Variants in IFIH1 observed in about 807,000 individuals in gnomAD.
IFIH1 encodes the protein interferon-induced helicase C domain-containing protein 1.
IFIH1 carries 125 observed loss-of-function variants against 107.4 expected under a neutral mutation model. That is an observed-to-expected ratio of 1.16 (90% CI 1.01 to 1.35). IFIH1 has a LOEUF of 1.35. IFIH1 is among the 40% of genes most tolerant of loss of function. The pLI is 0.00. For missense variants in IFIH1, 1,333 were observed against 1,213.7 expected (o/e 1.10, Z -1.46); for synonymous variants, 458 against 413.2 (o/e 1.11, Z -1.31).
chr2:162,300,019 G>A (rs541506498), intron 3 of IFIH1, among the ~76,000 whole-genome samples: 7 of 152,102 alleles, frequency 4.6e-5, no homozygotes, highest in Non-Finnish European at 8.8e-5. Flanking sequence ...GCTTTCTCTC[G>A]TCAGTCTTCC....
In IFIH1 at chr2:162,268,294, ATAGT is replaced by A; in HGVS notation, c.2617-21_2617-18del. ...TTCCAAAATCTGGACAGAGAAAGGA[ATAGT>A]TAGTGGTTTCAGGTTTGTTTTCTTT... On this transcript the variant is annotated intron_variant, in intron 13 of 15. Transcript: ENST00000649979. 1 of 1,542,602 alleles carries A rather than the reference ATAGT, an allele frequency of 6.5e-7. No homozygotes were observed. Among genetic ancestry groups the A allele is most frequent in the Non-Finnish European group, 8.9e-7 (1 of 1,124,436 alleles).
chr2:162,305,991 CT>C, intron 3 of IFIH1, among the ~76,000 whole-genome samples: 1 of 152,266 alleles, frequency 6.6e-6, no homozygotes, highest in South Asian at 2.1e-4. Flanking sequence ...CAAACTAGGG[CT>C]TTTTCTTTTC....
intron 11 of IFIH1, among the ~76,000 whole-genome samples, chr2:162,275,610 AT>A (rs555068797): frequency 1.7e-4 from 26 of 152,236 alleles, no homozygotes; most frequent in African/African-American, 5.5e-4. Context: ...CATTTCAAGA[AT>A]TTTTTTCCAG....
At chr2:162,290,468 G>A (rs2105211621) in intron 4 of IFIH1, among the ~76,000 whole-genome samples, 1 of 151,902 alleles carries the variant, frequency 6.6e-6, no homozygotes, top group South Asian at 2.1e-4. Flanking sequence ...ATGTTAAAAG[G>A]ACTATTGTGT....
intron 11 of IFIH1, 45 bp downstream of exon 11, chr2:162,276,629 GAAGAGAAGAAGAA>G (rs1682669016): frequency 4.6e-6 from 7 of 1,533,490 alleles, no homozygotes; most frequent in Non-Finnish European, 6.2e-6. Flanking sequence ...GAGAAGAAGA[GAAGAGAAGAAGAA>G]AAGAGAAAGA....
Position 162,282,348 on chromosome 2 carries a change from A to G in IFIH1, c.1306+18T>C, listed in dbSNP as rs1682825676. On this transcript the variant is annotated intron_variant, in intron 6 of 15. Transcript: ENST00000649979. ...TATTACTATTAATTTTTTTAAAAAA[A>G]TAAACACTTAAACTGACCTGACAAT... is the stretch of plus-strand genomic sequence containing the variant. 2 of 1,529,060 alleles carry G rather than the reference A, an allele frequency of 1.3e-6. No individual in the cohort carries two copies. The highest frequency in any genetic ancestry group is 8.9e-7 in the Non-Finnish European group (1 of 1,125,352). The allele number at this position is 1,529,060 out of a possible 1,614,324, so 94.7% of individuals were successfully genotyped here. A position where few individuals can be genotyped will look rare whatever the true frequency, so the allele number is the denominator to read the frequency against.
chr2:162,310,986 C>T, intron 1 of IFIH1, 53 bp from the exon 2 acceptor site: 4 of 1,410,588 alleles, frequency 2.8e-6, no homozygotes, highest in Non-Finnish European at 3.9e-6. Flanking sequence ...TCTGAATAAC[C>T]TTAAACAGGA....
At position 162,318,122 on chromosome 2, in the gene IFIH1, C is replaced by A. The variant is rs755818922; in HGVS notation, c.186G>T (p.Leu62=). The A allele has an allele frequency of 1.2e-6, 2 of 1,614,206 alleles. No individual in the cohort carries two copies. Among genetic ancestry groups the A allele is most frequent in the Non-Finnish European group, 1.7e-6 (2 of 1,180,032 alleles). The part of the protein sequence containing the change: ...TSGNMQAVEL[L]LSTLEKGVWH... ...AGACTCCCTTCTCCAAGGTGCTCAG[C>A]AGCAGTTCAACTGCCTGCATGTTCC... The change falls in exon 1 of 16, where the codon CTG becomes CTT. Residue 62 remains leucine (L), a synonymous_variant. Coordinates refer to ENST00000649979, the MANE Select transcript of IFIH1 (RefSeq NM_022168.4).
At chr2:162,291,142 C>A (rs994096700) in intron 4 of IFIH1, among the ~76,000 whole-genome samples, 1 of 151,576 alleles carries the variant, frequency 6.6e-6, no homozygotes, top group Non-Finnish European at 1.5e-5. Context: ...TGATTAAAGA[C>A]CTTAAAATTA....
rs1318547858 is a variant in IFIH1 at position 162,310,794 on chromosome 2, G to A, written c.593C>T (p.Thr198Ile). Residue 198 changes from threonine to isoleucine, a missense_variant, in exon 2 of 16, where the codon ACA becomes ATA. Transcript: ENST00000649979. ...ATTGCTTTCTGAGCAATCAGAGCCT[G>A]TTAACTCTTGGACAAGTTCATTGTT... ...TGNNELVQELTGSDCSESNAE... is the reference protein window; with the variant it reads ...TGNNELVQELIGSDCSESNAE... The A allele has an allele frequency of 6.2e-7, 1 of 1,613,814 alleles. No individual in the cohort carries two copies. Among genetic ancestry groups the A allele is most frequent in the Admixed American group, 1.7e-5 (1 of 60,008 alleles).
In IFIH1 at chr2:162,300,868, A is replaced by G. The variant is rs191351652; in HGVS notation, c.769+5841T>C. Among the ~76,000 whole-genome samples, 8 of 152,298 alleles carry G rather than the reference A, an allele frequency of 5.3e-5. No individual in the cohort carries two copies. The East Asian group carries it at 1.5e-3, about 29-fold the overall frequency. On this transcript the variant is annotated intron_variant, in intron 3 of 15. Transcript: ENST00000649979. The stretch of plus-strand genomic sequence containing the variant: ...CTAGATTTCTAGAGGTTAGTGCTAC[A>G]GAACATTATTCTGGTCCTCAAGTGC...
chr2:162,277,737 A>C, intron 9 of IFIH1, 44 bp from the exon 10 acceptor site: 1 of 1,555,322 alleles, frequency 6.4e-7, no homozygotes, highest in Non-Finnish European at 8.7e-7. Context: ...AAGCATATAA[A>C]CCCCCTAAAA....
rs553704185 is a variant in IFIH1 at position 162,276,614 on chromosome 2, AAGAAGAGAAGAAG to A, written c.2304+60_2304+72del. On this transcript the variant is annotated intron_variant, in intron 11 of 15. Coordinates refer to ENST00000649979, the MANE Select transcript of IFIH1 (RefSeq NM_022168.4). The stretch of plus-strand genomic sequence containing the variant: ...AGCGAGGCCTCGTCTGAAAGAAAAG[AAGAAGAGAAGAAG>A]AGAAGAGAAGAAGAAAAGAGAAAGA... 123 of 1,490,558 alleles carry A rather than the reference AAGAAGAGAAGAAG, an allele frequency of 8.3e-5. No individual in the cohort carries two copies. In the African/African-American group the frequency reaches 8.8e-4, roughly 11 times the overall value. 92.3% of individuals were successfully genotyped at this position (1,490,558 alleles called of 1,614,324 possible). A position where few individuals can be genotyped will look rare whatever the true frequency, so the allele number is the denominator to read the frequency against.
intron 3 of IFIH1, among the ~76,000 whole-genome samples, chr2:162,306,006 A>C (rs1249055745): frequency 6.6e-6 from 1 of 152,212 alleles, no homozygotes; most frequent in Non-Finnish European, 1.5e-5. Context: ...TCTTTTCCCC[A>C]GAGTTACTTG....
At chr2:162,310,617 G>A in intron 2 of IFIH1, 148 bp downstream of exon 2, 1 of 630,464 alleles carries the variant, frequency 1.6e-6, no homozygotes, top group East Asian at 2.8e-5. Context: ...TTGTTAAGGT[G>A]ATAAAATAGA....
At chr2:162,269,836 C>A (rs757741491) in intron 13 of IFIH1, among the ~76,000 whole-genome samples, 1 of 152,168 alleles carries the variant, frequency 6.6e-6, no homozygotes, top group Non-Finnish European at 1.5e-5. Flanking sequence ...TGCAAGCAAG[C>A]CTGGAGGCTA....
chr2:162,287,774 C>T (rs1297402929), intron 5 of IFIH1, among the ~76,000 whole-genome samples: 1 of 151,796 alleles, frequency 6.6e-6, no homozygotes. Flanking sequence ...CATTCATATT[C>T]ATTTGCAATG....
chr2:162,316,648 A>G (rs901124353), intron 1 of IFIH1, among the ~76,000 whole-genome samples: 1 of 152,024 alleles, frequency 6.6e-6, no homozygotes, highest in Non-Finnish European at 1.5e-5. Context: ...GATGACCCAA[A>G]AGAGAGAGAG....
intron 1 of IFIH1, among the ~76,000 whole-genome samples, chr2:162,313,820 C>T (rs1187330765): frequency 1.3e-5 from 2 of 149,612 alleles, no homozygotes; most frequent in Admixed American, 1.3e-4. Flanking sequence ...CTTATTCATA[C>T]TTTTTTTTTT....
Sources: allele counts gnomAD v4.1 joint callset (sites outside exome capture counted in the v4.1 genomes callset), GRCh38; gene constraint gnomAD v4.1.1; transcripts MANE v1.5; gene names NCBI Gene and HGNC (gene_info 2026-07-23, HGNC 2026-07-21).